The following PABPN1L variants were observed in gnomAD, a reference collection of about 807,000 sequenced individuals.
PABPN1L encodes embryonic polyadenylate-binding protein 2.
PABPN1L carries 45 observed loss-of-function variants against 34.0 expected under a neutral mutation model. The observed-to-expected ratio is 1.32, with a 90% CI of 1.04 to 1.70. The LOEUF is 1.70. PABPN1L is among the 40% of genes most tolerant of loss of function. PABPN1L has a pLI of 0.00. For missense variants in PABPN1L, 459 were observed against 367.8 expected, an observed-to-expected ratio of 1.25 and a Z score of -2.03; for synonymous variants, 182 against 152.1, an observed-to-expected ratio of 1.20 and a Z score of -1.45.
upstream of PABPN1L, chr16:88,866,627 G>A: frequency 6.6e-7 from 1 of 1,518,950 alleles, no homozygotes; most frequent in Non-Finnish European, 8.8e-7. Context: ...CAGGAGGAAG[G>A]TGGGCCAGGC....
At chr16:88,863,753 C>T (rs1480625676) in exon 7 of PABPN1L, 3 of 1,536,096 alleles carry the variant, frequency 2.0e-6, no homozygotes, top group Non-Finnish European at 2.6e-6. Context: ...TCGGGTCTTC[C>T]CTTTAATACG....
chr16:88,864,607 G>C lies in PABPN1L; in HGVS notation c.655-228C>G, dbSNP rs564927638. Among the ~76,000 whole-genome samples the C allele has an allele frequency of 1.3e-4, 18 of 138,394 alleles. No individual in the cohort carries two copies. In the South Asian group the frequency reaches 3.9e-3, roughly 30 times the overall value. 90.8% of individuals were successfully genotyped at this position (138,394 alleles called of 152,430 possible). A position where few individuals can be genotyped will look rare whatever the true frequency, so the allele number is the denominator to read the frequency against. On this transcript the variant is annotated intron_variant, in intron 5 of 6. Coordinates refer to ENST00000419291, the Ensembl canonical transcript of PABPN1L. ...CGGCCAGCACCCCTGCAGAGGGGGG[G>C]GTCACGGCCAGCACCCCTGCAGAGG...
At chr16:88,865,274 G>A in intron 3 of PABPN1L, 146 bp from the exon 4 acceptor site, 1 of 852,382 alleles carries the variant, frequency 1.2e-6, no homozygotes, top group Non-Finnish European at 1.8e-6. Context: ...CGCTGGGGTT[G>A]GAGGGAAGAG....
chr16:88,863,414 A>G, exon 7 of PABPN1L: 2 of 453,430 alleles, frequency 4.4e-6, no homozygotes, highest in Non-Finnish European at 8.0e-6. Context: ...AAAATGACTT[A>G]GTTGAAGAGC....
exon 4 of PABPN1L, chr16:88,865,126 C>A: frequency 6.4e-7 from 1 of 1,567,146 alleles, no homozygotes; most frequent in East Asian, 2.4e-5. Context: ...CCCCGTAGTC[C>A]ACCTGCACCC....
intron 5 of PABPN1L, 84 bp from the exon 6 acceptor site, chr16:88,864,463 G>A: frequency 6.8e-7 from 1 of 1,464,024 alleles, no homozygotes; most frequent in Non-Finnish European, 9.1e-7. Context: ...CCACCCCGGA[G>A]CATGGGGTCC....
chr16:88,866,103 C>T (rs1252708564), intron 1 of PABPN1L, among the ~76,000 whole-genome samples, 162 bp from the exon 2 acceptor site: 1 of 152,238 alleles, frequency 6.6e-6, no homozygotes, highest in Non-Finnish European at 1.5e-5. Context: ...GGGATGAACT[C>T]GCCCCTGCAG....
At chr16:88,863,535 C>T (rs537127745) in exon 7 of PABPN1L, 69 of 648,356 alleles carry the variant, frequency 1.1e-4, no homozygotes, top group South Asian at 7.9e-4. Context: ...GGCTCACCAC[C>T]GGGCCGTGGC....
rs1442336565 is a variant in PABPN1L at position 88,864,300 on chromosome 16, C to T, written c.734G>A (p.Gly245Glu). The change falls in exon 6 of 7, where the codon GGG becomes GAG. Residue 245 changes from glycine (G) to glutamate (E), a missense_variant. Coordinates refer to ENST00000419291, the Ensembl canonical transcript of PABPN1L. ...GAGGCCGCTGTGGGGGAAGGGTGCC[C>T]CCCTGGAGCCTGGGTGTCCTCGAAG... 1.9e-6 allele frequency: 3 copies of T among 1,555,832 alleles called. No individual in the cohort carries two copies. The African/African-American group carries it at 4.1e-5, about 21-fold the overall frequency.
intron 6 of PABPN1L, 95 bp downstream of exon 6, chr16:88,864,142 G>A: frequency 7.0e-7 from 1 of 1,422,534 alleles, no homozygotes; most frequent in Non-Finnish European, 9.3e-7. Flanking sequence ...CATTCCTGCA[G>A]CCCCATGAGG....
Position 88,863,746 on chromosome 16 carries a change from G to T in PABPN1L, c.*10C>A, listed in dbSNP as rs986594871. On this transcript the variant is annotated 3_prime_UTR_variant, in exon 7 of 7. Coordinates refer to ENST00000419291, the Ensembl canonical transcript of PABPN1L. Reference sequence around the variant, plus strand: ...GGCCCCAGCCCCTCTCTCAAAATCGGGTCTTCCCTTTAATACGGTGAAAAC... The same window carrying T: ...GGCCCCAGCCCCTCTCTCAAAATCGTGTCTTCCCTTTAATACGGTGAAAAC... The T allele has an allele frequency of 5.2e-6, 8 of 1,535,892 alleles. No individual in the cohort carries two copies. The African/African-American group carries it at 9.6e-5, about 18-fold the overall frequency.
At chr16:88,865,157 G>C in intron 3 of PABPN1L, 29 bp from the exon 4 acceptor site, 1 of 1,549,750 alleles carries the variant, frequency 6.5e-7, no homozygotes, top group Non-Finnish European at 8.7e-7. Context: ...CAGCATGTGA[G>C]GGAGACGCCT....
exon 7 of PABPN1L, chr16:88,863,776 G>C: frequency 6.5e-7 from 1 of 1,536,078 alleles, no homozygotes; most frequent in South Asian, 1.2e-5. Flanking sequence ...GAAAACCATG[G>C]TGAGAATTTT....
chr16:88,864,288 G>T, exon 6 of PABPN1L: 1 of 1,554,082 alleles, frequency 6.4e-7, no homozygotes, highest in African/African-American at 1.4e-5. Flanking sequence ...GCCGCTGTGG[G>T]GGAAGGGTGC....
At chr16:88,869,947 TGG>T (rs1968666740), upstream of PABPN1L, among the ~76,000 whole-genome samples, 2 of 152,192 alleles carry the variant, frequency 1.3e-5, no homozygotes, top group Non-Finnish European at 2.9e-5. Context: ...GCCTGGCCCC[TGG>T]GGCCCCAGCG....
chr16:88,867,948 A>G (rs1170759912), upstream of PABPN1L, among the ~76,000 whole-genome samples: 1 of 152,138 alleles, frequency 6.6e-6, no homozygotes, highest in Non-Finnish European at 1.5e-5. Flanking sequence ...CCTCTCTGTG[A>G]CTGCACCCCG....
At chr16:88,864,131 A>C in intron 6 of PABPN1L, 106 bp downstream of exon 6, 1 of 1,380,142 alleles carries the variant, frequency 7.2e-7, no homozygotes, top group Non-Finnish European at 9.6e-7. Flanking sequence ...CCCGCCAGGT[A>C]CATTCCTGCA....
upstream of PABPN1L, chr16:88,866,781 G>A (rs1332621784): frequency 7.9e-6 from 7 of 883,312 alleles, no homozygotes; most frequent in South Asian, 4.0e-5. Flanking sequence ...TCCCGGCCCC[G>A]CCCCTTCCCT....
exon 4 of PABPN1L, chr16:88,865,052 A>G (rs1402925993): frequency 6.3e-7 from 1 of 1,599,992 alleles, no homozygotes; most frequent in Non-Finnish European, 8.5e-7. Flanking sequence ...CTTGTCACAC[A>G]GGATCGTGAC....
Sources: allele counts gnomAD v4.1 joint callset (sites outside exome capture counted in the v4.1 genomes callset), GRCh38; gene constraint gnomAD v4.1.1; transcripts MANE v1.5; gene names NCBI Gene and HGNC (gene_info 2026-07-23, HGNC 2026-07-21).